Variants in RBFOX1 observed in about 807,000 individuals in gnomAD.
RBFOX1 encodes RNA binding protein fox-1 homolog 1.
RBFOX1 carries 8 observed loss-of-function variants against 57.7 expected under a neutral mutation model. The observed-to-expected ratio is 0.14, with a 90% CI of 0.08 to 0.25. The LOEUF (loss-of-function observed/expected upper bound fraction) is 0.25. Ranked by LOEUF, RBFOX1 falls within the 10% of genes least tolerant of loss-of-function variation. The probability of loss-of-function intolerance (pLI) is 1.00; values close to 1 mark genes in which losing one functional copy is unlikely to be tolerated. For synonymous variants in RBFOX1, 326 were observed against 222.4 expected (o/e 1.47, Z -4.15); for missense variants, 611 against 548.5 (o/e 1.11, Z -1.14).
intron 4 of RBFOX1, among the ~76,000 whole-genome samples, chr16:5,897,016 CTTTTTTTTTTTTT>C (rs575235024): frequency 1.9e-4 from 11 of 56,468 alleles, no homozygotes; most frequent in East Asian, 6.6e-4. Flanking sequence ...TATCCATCCG[CTTTTTTTTTTTTT>C]TTTTTTTTTT....
At chr16:5,956,945 C>T (rs1454694366) in intron 4 of RBFOX1, among the ~76,000 whole-genome samples, 3 of 151,638 alleles carry the variant, frequency 2.0e-5, no homozygotes, top group African/African-American at 7.3e-5. Flanking sequence ...CTAGGGATTA[C>T]ATGCCTGAGC....
intron 5 of RBFOX1, among the ~76,000 whole-genome samples, chr16:7,532,608 C>G (rs77010163): frequency 6.6e-6 from 1 of 152,184 alleles, no homozygotes; most frequent in Non-Finnish European, 1.5e-5. Context: ...TTCCTTTTCT[C>G]TCTTCTCTCC....
chr16:5,547,843 A>G (rs1032707252), intron 2 of RBFOX1, among the ~76,000 whole-genome samples: 9 of 152,040 alleles, frequency 5.9e-5, no homozygotes, highest in African/African-American at 2.2e-4. Flanking sequence ...GGAGCTAAAC[A>G]TTGGGTACAC....
At chr16:6,003,872 G>T (rs1381702666) in intron 4 of RBFOX1, among the ~76,000 whole-genome samples, 2 of 152,328 alleles carry the variant, frequency 1.3e-5, no homozygotes, top group Admixed American at 1.3e-4. Context: ...GCAGGCCTAG[G>T]TGGCCAGATG....
At chr16:7,624,280 T>C (rs941500217) in intron 10 of RBFOX1, among the ~76,000 whole-genome samples, 5 of 152,228 alleles carry the variant, frequency 3.3e-5, no homozygotes, top group African/African-American at 1.2e-4. Flanking sequence ...CTTTCAGTTA[T>C]GATAGAATTA....
At chr16:7,054,774 A>C (rs1247410734) in intron 4 of RBFOX1, among the ~76,000 whole-genome samples, 1 of 152,312 alleles carries the variant, frequency 6.6e-6, no homozygotes, top group East Asian at 1.9e-4. Context: ...CAGATTTGCT[A>C]TCCAGGATGA....
intron 1 of RBFOX1, among the ~76,000 whole-genome samples, chr16:6,181,125 G>A (rs959302694): frequency 1.3e-5 from 2 of 152,170 alleles, no homozygotes; most frequent in African/African-American, 4.8e-5. Flanking sequence ...AATCTGAAAT[G>A]TATGGGCTGG....
At chr16:5,970,684 G>A (rs909696009) in intron 4 of RBFOX1, among the ~76,000 whole-genome samples, 3 of 152,214 alleles carry the variant, frequency 2.0e-5, no homozygotes, top group Admixed American at 1.3e-4. Context: ...CCTGAGTCAT[G>A]AATATGGAGG....
At chr16:5,621,186 C>T (rs751879203) in intron 3 of RBFOX1, among the ~76,000 whole-genome samples, 2 of 152,074 alleles carry the variant, frequency 1.3e-5, no homozygotes, top group African/African-American at 2.4e-5. Context: ...CTGTGTTTCC[C>T]GGCTGGTCTC....
intron 2 of RBFOX1, among the ~76,000 whole-genome samples, chr16:5,572,891 A>G (rs2046329954): frequency 1.3e-5 from 2 of 152,164 alleles, no homozygotes; most frequent in Non-Finnish European, 2.9e-5. Context: ...CAGACAGGTA[A>G]TGGTGGGAGC....
rs867252868 is a variant in RBFOX1, at chr16:6,531,286, C to T, written c.-63-123317C>T. Among the ~76,000 whole-genome samples the T allele has an allele frequency of 2.0e-5, 3 of 152,288 alleles. No individual in the cohort carries two copies. In the East Asian group the frequency reaches 5.8e-4, roughly 29 times the overall value. On this transcript the variant is annotated intron_variant, in intron 2 of 15. Transcript: ENST00000550418. ...TTCTAACTGGGGAAAGACATTTCAA[C>T]CTCCCCTTGTTGCAGGAGCCTCTGG...
chr16:7,479,967 C>G (rs945846049), intron 4 of RBFOX1, among the ~76,000 whole-genome samples: 2 of 152,156 alleles, frequency 1.3e-5, no homozygotes, highest in Admixed American at 6.5e-5. Flanking sequence ...AATGTTGGGG[C>G]TTGGTCAGAA....
chr16:5,366,606 G>A (rs2151357111), intron 1 of RBFOX1: 1 of 400,244 alleles, frequency 2.5e-6, no homozygotes, highest in East Asian at 6.7e-5. Flanking sequence ...AGGAAGCAAA[G>A]TTCATCAATT....
chr16:5,963,191 G>C (rs774078217), intron 4 of RBFOX1, among the ~76,000 whole-genome samples: 4 of 152,186 alleles, frequency 2.6e-5, no homozygotes, highest in Non-Finnish European at 2.9e-5. Flanking sequence ...TTATAGGTTA[G>C]GTAATGCTGC....
At chr16:7,441,846 C>G (rs2098770186) in intron 4 of RBFOX1, among the ~76,000 whole-genome samples, 1 of 152,180 alleles carries the variant, frequency 6.6e-6, no homozygotes, top group African/African-American at 2.4e-5. Flanking sequence ...CTTCACGATC[C>G]ACTGGCTGTC....
intron 1 of RBFOX1, among the ~76,000 whole-genome samples, chr16:6,122,186 G>A (rs573431172): frequency 3.9e-5 from 6 of 152,150 alleles, no homozygotes; most frequent in South Asian, 4.2e-4. Context: ...GATTACAGGC[G>A]TGAGCCACTG....
chr16:7,143,603 C>G lies in RBFOX1; in HGVS notation c.27+91505C>G, dbSNP rs189904384. Among the ~76,000 whole-genome samples the G allele has an allele frequency of 3.6e-3, 543 of 152,170 alleles. 1 individual carries two copies. Among genetic ancestry groups the G allele is most frequent in the Non-Finnish European group, 5.8e-3 (392 of 68,012 alleles). ...CTCCCAGACCTCCTTCTCACTCACCCTTTTTATCTTTTCTGTGTCCTTGAA... is the reference window on the plus strand; with the variant it reads ...CTCCCAGACCTCCTTCTCACTCACCGTTTTTATCTTTTCTGTGTCCTTGAA... On this transcript the variant is annotated intron_variant, in intron 4 of 15. Transcript: ENST00000550418.
intron 3 of RBFOX1, among the ~76,000 whole-genome samples, chr16:6,909,947 G>A (rs2071130341): frequency 6.6e-6 from 1 of 151,920 alleles, no homozygotes; most frequent in South Asian, 2.1e-4. Flanking sequence ...AACTTCATGA[G>A]CCATTTCTGA....
At chr16:7,669,464 AGAGT>A (rs1312736005) in intron 13 of RBFOX1, among the ~76,000 whole-genome samples, 2 of 152,234 alleles carry the variant, frequency 1.3e-5, no homozygotes, top group Non-Finnish European at 2.9e-5. Flanking sequence ...GCAGAGAGAA[AGAGT>A]GAGAGGATAT....
Sources: gnomAD v4.1 joint callset for allele counts (sites outside exome capture counted in the v4.1 genomes callset) on GRCh38, gnomAD v4.1.1 for gene constraint, MANE v1.5 for transcripts, NCBI Gene and HGNC (gene_info 2026-07-23, HGNC 2026-07-21) for gene names.